CUL3: variants seen among roughly 807,000 people sequenced by gnomAD.
CUL3 encodes the protein cullin 3.
A neutral mutation model predicts 89.1 loss-of-function variants in CUL3; 19 were observed. The ratio of observed to expected loss-of-function variants is 0.21; its 90% CI spans 0.15 to 0.31. The LOEUF is 0.31. Ranked by LOEUF, CUL3 falls within the 10% of genes least tolerant of loss-of-function variation. The pLI, the probability that CUL3 is intolerant of heterozygous loss-of-function variation, is 1.00. For missense variants in CUL3, 469 were observed against 942.3 expected, an observed-to-expected ratio of 0.50 and a Z score of 6.58; for synonymous variants, 351 against 308.4, an observed-to-expected ratio of 1.14 and a Z score of -1.45.
intron 1 of CUL3, among the ~76,000 whole-genome samples, chr2:224,582,199 T>C (rs1695457743): frequency 6.6e-6 from 1 of 152,210 alleles, no homozygotes; most frequent in Non-Finnish European, 1.5e-5. Flanking sequence ...GCTCCTGACC[T>C]CAGGTGATCC....
chr2:224,557,982 G>C, intron 1 of CUL3, 126 bp from the exon 2 acceptor site: 1 of 570,150 alleles, frequency 1.8e-6, no homozygotes, highest in Middle Eastern at 4.7e-4. Context: ...ATAAATCTAT[G>C]ACACATAAGA....
intron 1 of CUL3, among the ~76,000 whole-genome samples, chr2:224,572,812 G>A (rs956094506): frequency 6.6e-6 from 1 of 152,062 alleles, no homozygotes; most frequent in Non-Finnish European, 1.5e-5. Flanking sequence ...ATTCCGAGAG[G>A]ACAATGCATC....
At chr2:224,567,276 G>C (rs985911350) in intron 1 of CUL3, among the ~76,000 whole-genome samples, 1 of 152,180 alleles carries the variant, frequency 6.6e-6, no homozygotes, top group Non-Finnish European at 1.5e-5. Context: ...GGAGTGCAGA[G>C]GTGCAATCAT....
chr2:224,558,818 G>A (rs561249927), intron 1 of CUL3, among the ~76,000 whole-genome samples: 9 of 151,836 alleles, frequency 5.9e-5, no homozygotes, highest in Admixed American at 3.3e-4. Flanking sequence ...CGAGGCGGGC[G>A]GATCATGAGG....
intron 2 of CUL3, among the ~76,000 whole-genome samples, chr2:224,554,122 A>G (rs1402600268): frequency 6.6e-6 from 1 of 152,016 alleles, no homozygotes; most frequent in African/African-American, 2.4e-5. Context: ...ACCCTAACAC[A>G]CAACTACTGA....
In CUL3 at chr2:224,506,034, A is replaced by G. The variant is rs1471016530; in HGVS notation, c.1128T>C (p.Tyr376=). The change falls in exon 8 of 16, where the codon TAT becomes TAC. Residue 376 remains tyrosine, a synonymous_variant. Coordinates refer to ENST00000264414, the MANE Select transcript of CUL3 (RefSeq NM_003590.5). ...GAGACCTGGAGTTGAGGTTGAGAAA[A>G]TACTCAAAGTCACCCGCAATAGTTT... The part of the protein sequence containing the change: ...FKQTIAGDFE[Y]FLNLNSRSPE... The G allele has an allele frequency of 1.2e-6, 2 of 1,612,564 alleles. No homozygotes were observed. The highest frequency in any genetic ancestry group is 4.5e-5 in the East Asian group (2 of 44,788).
At chr2:224,488,863 A>G (rs1231097233) in intron 13 of CUL3, among the ~76,000 whole-genome samples, 1 of 152,252 alleles carries the variant, frequency 6.6e-6, no homozygotes, top group African/African-American at 2.4e-5. Context: ...AAAATTCTCA[A>G]TAAAATACTG....
At chr2:224,475,691 A>G (rs1559333910) in intron 15 of CUL3, among the ~76,000 whole-genome samples, 2 of 152,084 alleles carry the variant, frequency 1.3e-5, no homozygotes, top group African/African-American at 4.8e-5. Flanking sequence ...CTTCCAGCCT[A>G]TTAACAGCTC....
chr2:224,518,581 G>A (rs1384289975), intron 3 of CUL3, among the ~76,000 whole-genome samples: 1 of 152,130 alleles, frequency 6.6e-6, no homozygotes, highest in East Asian at 1.9e-4. Flanking sequence ...ACCTCTAATA[G>A]TAAGAATAAT....
chr2:224,563,376 A>G (rs1694962464), intron 1 of CUL3: 25 of 423,046 alleles, frequency 5.9e-5, no homozygotes, highest in South Asian at 4.5e-4. Context: ...CCGTACATGC[A>G]GGGTTCTAAA....
At chr2:224,481,804 A>AT (rs1308346324) in intron 14 of CUL3, 88 bp downstream of exon 14, 1 of 930,514 alleles carries the variant, frequency 1.1e-6, no homozygotes, top group Non-Finnish European at 1.5e-6. Flanking sequence ...GAAAAGGAGT[A>AT]TTTTTAAAAG....
rs1188604319 is a variant in CUL3, at chr2:224,471,544, C to T, written c.*2701G>A. On this transcript the variant is annotated 3_prime_UTR_variant, in exon 16 of 16. Coordinates refer to ENST00000264414, the MANE Select transcript of CUL3 (RefSeq NM_003590.5). ...ATGAGAAGGATTCTTACAGAGAAGG[C>T]CTATCATCAGCATCTTGGGGGTTTG... 2 of 195,488 alleles carry T rather than the reference C, an allele frequency of 1.0e-5. No individual in the cohort carries two copies. The highest frequency in any genetic ancestry group is 2.1e-5 in the Non-Finnish European group (2 of 94,148). 12.1% of individuals were successfully genotyped at this position (195,488 alleles called of 1,614,324 possible).
chr2:224,496,016 A>G, intron 12 of CUL3, 50 bp from the exon 13 acceptor site: 1 of 1,589,018 alleles, frequency 6.3e-7, no homozygotes, highest in Non-Finnish European at 8.6e-7. Context: ...ATTTCCTGGT[A>G]ACATTAATGT....
At chr2:224,529,588 C>CA (rs1381764652) in intron 3 of CUL3, among the ~76,000 whole-genome samples, 8 of 151,602 alleles carry the variant, frequency 5.3e-5, no homozygotes, top group African/African-American at 1.7e-4. Flanking sequence ...GAGATCGTGC[C>CA]ACTGTACTCC....
Position 224,474,164 on chromosome 2 carries a change from TTA to T in CUL3, c.*79_*80del. 7.1e-7 allele frequency: 1 copy of T among 1,403,358 alleles called. No homozygotes were observed. 86.9% of individuals were successfully genotyped at this position (1,403,358 alleles called of 1,614,324 possible). Reference sequence around the variant, plus strand: ...TAATTTAATAGAAGAGATGGTCGTCTTAATATTTAATGATTTAAAAGAACTTC... The same window carrying T: ...TAATTTAATAGAAGAGATGGTCGTCTATATTTAATGATTTAAAAGAACTTC... On this transcript the variant is annotated 3_prime_UTR_variant, in exon 16 of 16. Coordinates refer to ENST00000264414, the MANE Select transcript of CUL3 (RefSeq NM_003590.5).
intron 2 of CUL3, among the ~76,000 whole-genome samples, chr2:224,551,393 CAT>C (rs1257644357): frequency 1.3e-5 from 2 of 151,950 alleles, no homozygotes; most frequent in Non-Finnish European, 2.9e-5. Flanking sequence ...TTTTAGGAGA[CAT>C]GTGGTTTCAC....
Position 224,584,927 on chromosome 2 carries a change from G to T in CUL3, c.66+17C>A. 6.8e-7 allele frequency: 1 copy of T among 1,463,686 alleles called. No individual in the cohort carries two copies. 90.7% of individuals were successfully genotyped at this position (1,463,686 alleles called of 1,614,324 possible). On this transcript the variant is annotated intron_variant, in intron 1 of 15. Coordinates refer to ENST00000264414, the MANE Select transcript of CUL3 (RefSeq NM_003590.5). ...GGCCCCCGGCCCCGGGGTCCCGGAC[G>T]CCGAGGAGAGACTCACCGGAAAGGC... is the stretch of plus-strand genomic sequence containing the variant.
chr2:224,552,716 C>T (rs1694561019), intron 2 of CUL3, among the ~76,000 whole-genome samples: 1 of 152,118 alleles, frequency 6.6e-6, no homozygotes, highest in African/African-American at 2.4e-5. Context: ...TGGAATTCTT[C>T]AATGTGAAAA....
intron 3 of CUL3, among the ~76,000 whole-genome samples, chr2:224,524,906 C>T (rs1055521486): frequency 6.7e-6 from 1 of 150,038 alleles, no homozygotes; most frequent in Non-Finnish European, 1.5e-5. Context: ...AGTAACAAAA[C>T]AAAAAACTAA....
Sources: allele counts gnomAD v4.1 joint callset (sites outside exome capture counted in the v4.1 genomes callset), GRCh38; gene constraint gnomAD v4.1.1; transcripts MANE v1.5; gene names NCBI Gene and HGNC (gene_info 2026-07-23, HGNC 2026-07-21).